STXBP4: variants seen among roughly 807,000 people sequenced by gnomAD.
The protein encoded by STXBP4 is syntaxin binding protein 4.
STXBP4 carries 55 observed loss-of-function variants against 76.1 expected under a neutral mutation model. That is an observed-to-expected ratio of 0.72 (90% CI 0.58 to 0.91). The LOEUF (loss-of-function observed/expected upper bound fraction) is 0.91, where lower values mean the gene tolerates loss of function less well. STXBP4 is among the 40% of genes least tolerant of loss of function. STXBP4 has a pLI of 0.00. For missense variants in STXBP4, 618 were observed against 636.9 expected, an observed-to-expected ratio of 0.97 and a Z score of 0.32; for synonymous variants, 201 against 220.2, an observed-to-expected ratio of 0.91 and a Z score of 0.77.
intron 12 of STXBP4, among the ~76,000 whole-genome samples, chr17:55,058,173 AGC>A (rs2078954705): frequency 6.6e-6 from 1 of 152,196 alleles, no homozygotes; most frequent in Non-Finnish European, 1.5e-5. Flanking sequence ...TCCCACCAAC[AGC>A]GTAAAAGCAT....
chr17:55,090,628 T>TAC (rs1273480598), intron 16 of STXBP4, among the ~76,000 whole-genome samples: 1 of 152,144 alleles, frequency 6.6e-6, no homozygotes, highest in Non-Finnish European at 1.5e-5. Context: ...TGTGTATATA[T>TAC]ACACACACAT....
At position 55,171,597 on chromosome 17, in the gene STXBP4, A is replaced by G. The variant is rs1468389111; in HGVS notation, c.*11686A>G. The G allele has an allele frequency of 6.6e-6, 1 of 152,208 alleles. No homozygotes were observed. Among genetic ancestry groups the G allele is most frequent in the Non-Finnish European group, 1.5e-5 (1 of 68,044 alleles). The allele number at this position is 152,208 out of a possible 1,614,324, so 9.4% of individuals were successfully genotyped here. On this transcript the variant is annotated 3_prime_UTR_variant, in exon 18 of 18. Coordinates refer to ENST00000376352, the MANE Select transcript of STXBP4 (RefSeq NM_178509.6). ...ACCATACCCCATCATGGTATTTTAG[A>G]GTACACCTGAATAAGATACATGGTG...
At chr17:55,061,934 CTGGGGGAGGTTGGA>C in intron 12 of STXBP4, among the ~76,000 whole-genome samples, 1 of 152,162 alleles carries the variant, frequency 6.6e-6, no homozygotes, top group East Asian at 1.9e-4. Context: ...GATGAAACTA[CTGGGGGAGGTTGGA>C]TAAAGAGTGC....
At chr17:55,145,284 A>C (rs999062268) in intron 17 of STXBP4, among the ~76,000 whole-genome samples, 2 of 152,226 alleles carry the variant, frequency 1.3e-5, no homozygotes, top group African/African-American at 4.8e-5. Flanking sequence ...TTCATTTACC[A>C]TATAGATGAT....
At chr17:55,062,663 G>A (rs1378534736) in intron 12 of STXBP4, among the ~76,000 whole-genome samples, 2 of 152,124 alleles carry the variant, frequency 1.3e-5, no homozygotes, top group African/African-American at 4.8e-5. Flanking sequence ...AGATCCTTGA[G>A]AAATCTCCAC....
chr17:55,093,148 C>T (rs1332012824), intron 16 of STXBP4, among the ~76,000 whole-genome samples: 2 of 152,038 alleles, frequency 1.3e-5, no homozygotes, highest in African/African-American at 4.8e-5. Context: ...GTGTACTCCA[C>T]CATGCCCAGC....
At chr17:55,103,994 G>C (rs1461894044) in intron 16 of STXBP4, among the ~76,000 whole-genome samples, 1 of 152,192 alleles carries the variant, frequency 6.6e-6, no homozygotes, top group African/African-American at 2.4e-5. Context: ...TGAGACTGCT[G>C]AAGTTGCTTA....
At position 55,008,325 on chromosome 17, in the gene STXBP4, A is replaced by G. The variant is rs550899274; in HGVS notation, c.666+728A>G. ...TTTTAGGAAGAGTATAAAAATGCAT[A>G]GCTAAAATAAAGCACACAATCTGTT... On this transcript the variant is annotated intron_variant, in intron 8 of 17. Coordinates refer to ENST00000376352, the MANE Select transcript of STXBP4 (RefSeq NM_178509.6). Among the ~76,000 whole-genome samples the G allele has an allele frequency of 2.0e-5, 3 of 152,216 alleles. No individual in the cohort carries two copies. In the South Asian group the frequency reaches 6.2e-4, roughly 32 times the overall value.
At chr17:54,986,776 A>T (rs2077632761) in intron 3 of STXBP4, among the ~76,000 whole-genome samples, 1 of 152,178 alleles carries the variant, frequency 6.6e-6, no homozygotes, top group Non-Finnish European at 1.5e-5. Context: ...ACTCTTGCTG[A>T]CTAACAAACC....
At chr17:55,034,668 T>A (rs2078567782) in intron 10 of STXBP4, among the ~76,000 whole-genome samples, 1 of 152,090 alleles carries the variant, frequency 6.6e-6, no homozygotes, top group Non-Finnish European at 1.5e-5. Context: ...CTTATTTAAT[T>A]AGCATCCAGA....
At chr17:55,030,019 CTA>C (rs2078478612) in intron 8 of STXBP4, among the ~76,000 whole-genome samples, 1 of 152,144 alleles carries the variant, frequency 6.6e-6, no homozygotes. Context: ...GTGATCGACA[CTA>C]TATATGCTCT....
chr17:55,046,488 A>T (rs1598261699), intron 11 of STXBP4, among the ~76,000 whole-genome samples: 2 of 152,048 alleles, frequency 1.3e-5, no homozygotes, highest in South Asian at 4.1e-4. Context: ...ATAAAATGTG[A>T]ATTTATTTAA....
chr17:55,035,049 C>G (rs1037667266), intron 10 of STXBP4, among the ~76,000 whole-genome samples: 5 of 151,768 alleles, frequency 3.3e-5, no homozygotes, highest in Admixed American at 6.6e-5. Context: ...TGTTTTTGTT[C>G]CACCATCATT....
chr17:54,974,710 AG>A (rs1188880533), intron 1 of STXBP4, among the ~76,000 whole-genome samples: 1 of 152,216 alleles, frequency 6.6e-6, no homozygotes, highest in Non-Finnish European at 1.5e-5. Flanking sequence ...TTCCAGGGCA[AG>A]CTGGTGGTGT....
chr17:55,149,353 A>G (rs1301217469), intron 17 of STXBP4, among the ~76,000 whole-genome samples: 1 of 140,618 alleles, frequency 7.1e-6, no homozygotes, highest in African/African-American at 2.5e-5. Context: ...GGGCTTTAGT[A>G]TCAGACAGAG....
At chr17:55,067,986 C>T (rs2144851281) in intron 12 of STXBP4, among the ~76,000 whole-genome samples, 1 of 152,224 alleles carries the variant, frequency 6.6e-6, no homozygotes, top group Non-Finnish European at 1.5e-5. Flanking sequence ...CTCCCCCATA[C>T]ACATTCATGC....
intron 16 of STXBP4, among the ~76,000 whole-genome samples, chr17:55,082,590 G>C (rs2079269621): frequency 6.6e-6 from 1 of 152,156 alleles, no homozygotes; most frequent in South Asian, 2.1e-4. Context: ...ATAATGATAG[G>C]ATGTTTAGCA....
intron 8 of STXBP4, among the ~76,000 whole-genome samples, chr17:55,015,593 G>T (rs147297385): frequency 6.6e-6 from 1 of 151,710 alleles, no homozygotes; most frequent in African/African-American, 2.4e-5. Flanking sequence ...AGAGAAAAAG[G>T]TACATGCACT....
At chr17:55,053,641 G>A (rs964118770) in intron 12 of STXBP4, among the ~76,000 whole-genome samples, 1 of 152,024 alleles carries the variant, frequency 6.6e-6, no homozygotes, top group East Asian at 1.9e-4. Context: ...TTTTTTTAAA[G>A]TCCTCTATTT....
Sources: gnomAD v4.1 joint callset for allele counts (sites outside exome capture counted in the v4.1 genomes callset) on GRCh38, gnomAD v4.1.1 for gene constraint, MANE v1.5 for transcripts, NCBI Gene and HGNC (gene_info 2026-07-23, HGNC 2026-07-21) for gene names.